Variants in XPR1 observed in about 807,000 individuals in gnomAD.
XPR1 encodes xenotropic and polytropic retrovirus receptor 1, also known as solute carrier family 53 member 1.
In XPR1, 28 loss-of-function variants were observed where a neutral mutation model predicts 87.5. The observed-to-expected ratio is 0.32, with a 90% CI of 0.24 to 0.44. XPR1 has a LOEUF of 0.44. Ranked by LOEUF, XPR1 falls within the 20% of genes least tolerant of loss-of-function variation. The probability of loss-of-function intolerance (pLI) is 1.00; values close to 1 mark genes in which losing one functional copy is unlikely to be tolerated. For synonymous variants in XPR1, 300 were observed against 306.1 expected (o/e 0.98, Z 0.21); for missense variants, 559 against 862.3 (o/e 0.65, Z 4.41).
intron 7 of XPR1, among the ~76,000 whole-genome samples, chr1:180,816,707 C>T (rs769061493): frequency 1.1e-4 from 16 of 152,074 alleles, no homozygotes; most frequent in Non-Finnish European, 1.9e-4. Flanking sequence ...ATGCTTGTGG[C>T]AGTGTTGGTA....
chr1:180,770,758 A>G (rs1448309953), intron 2 of XPR1, among the ~76,000 whole-genome samples: 1 of 152,168 alleles, frequency 6.6e-6, no homozygotes, highest in African/African-American at 2.4e-5. Context: ...AAAGTGTTAC[A>G]TGGCCCCTTC....
At chr1:180,637,232 G>T (rs1376441715) in intron 1 of XPR1, among the ~76,000 whole-genome samples, 2 of 152,122 alleles carry the variant, frequency 1.3e-5, no homozygotes, top group African/African-American at 4.8e-5. Flanking sequence ...GATTGCCAGT[G>T]GCTTTTTCAC....
chr1:180,706,200 T>C (rs185303982), intron 2 of XPR1, among the ~76,000 whole-genome samples: 31 of 152,332 alleles, frequency 2.0e-4, no homozygotes, highest in Admixed American at 8.5e-4. Context: ...AGTTACTAGT[T>C]TAATGCAGAC....
chr1:180,659,064 T>C (rs1050485882), intron 1 of XPR1, among the ~76,000 whole-genome samples: 2 of 152,030 alleles, frequency 1.3e-5, no homozygotes, highest in Non-Finnish European at 2.9e-5. Context: ...TATTGGCCTG[T>C]AGCCAGTCTT....
At chr1:180,836,485 T>C (rs371062922) in intron 10 of XPR1, 37 bp from the exon 11 acceptor site, 7 of 1,611,802 alleles carry the variant, frequency 4.3e-6, no homozygotes, top group African/African-American at 2.7e-5. Context: ...AGTTACTTTT[T>C]TTCAATGGTA....
chr1:180,836,189 T>C (rs1651283959), intron 10 of XPR1, among the ~76,000 whole-genome samples: 2 of 152,146 alleles, frequency 1.3e-5, no homozygotes. Context: ...TGAAACCCCA[T>C]GTCTACTAAA....
chr1:180,684,539 C>T (rs1409646956), intron 2 of XPR1, among the ~76,000 whole-genome samples: 1 of 152,098 alleles, frequency 6.6e-6, no homozygotes, highest in East Asian at 1.9e-4. Flanking sequence ...GCATTGGTAG[C>T]TTGATGGGGA....
At chr1:180,789,347 A>G (rs1400277041) in intron 3 of XPR1, among the ~76,000 whole-genome samples, 1 of 152,106 alleles carries the variant, frequency 6.6e-6, no homozygotes, top group African/African-American at 2.4e-5. Flanking sequence ...TTTCAGTTAC[A>G]CTGTACTTTA....
intron 2 of XPR1, among the ~76,000 whole-genome samples, chr1:180,746,855 G>A (rs1251429742): frequency 6.6e-6 from 1 of 152,002 alleles, no homozygotes; most frequent in Non-Finnish European, 1.5e-5. Context: ...ATCTTTTTTG[G>A]GGGTTGGGGA....
At chr1:180,656,244 TC>T (rs1655462101) in intron 1 of XPR1, among the ~76,000 whole-genome samples, 1 of 143,630 alleles carries the variant, frequency 7.0e-6, no homozygotes, top group African/African-American at 2.6e-5. Context: ...CATAATGACT[TC>T]CAGTTCCATC....
In XPR1 at chr1:180,803,462, G is replaced by A; in HGVS notation, c.298G>A (p.Glu100Lys). ...TCAGTCATCACTGGATGCACAGAAA[G>A]AAAGCACTGGTGTTACTACGCTGCG... is the stretch of plus-strand genomic sequence containing the variant. Reference protein sequence around the residue: ...ELQSSLDAQKESTGVTTLRQR... With the variant: ...ELQSSLDAQKKSTGVTTLRQR... Residue 100 changes from glutamate to lysine, a missense_variant, in exon 4 of 15, where the codon GAA (glutamate) becomes AAA (lysine). Glu to Lys is a moderately conservative substitution (Grantham distance 56). This residue lies in a region of XPR1 where 159 missense variants were observed against 263.3 expected (regional missense o/e 0.60). Coordinates refer to ENST00000367590, the MANE Select transcript of XPR1 (RefSeq NM_004736.4). The A allele has an allele frequency of 6.2e-7, 1 of 1,614,104 alleles. No individual in the cohort carries two copies. Among genetic ancestry groups the A allele is most frequent in the Non-Finnish European group, 8.5e-7 (1 of 1,180,002 alleles).
chr1:180,810,151 A>G (rs1361497738), intron 6 of XPR1, among the ~76,000 whole-genome samples: 2 of 152,308 alleles, frequency 1.3e-5, no homozygotes, highest in Middle Eastern at 6.8e-3. Context: ...TTTAGAAAGC[A>G]GAAGTTTCAA....
At chr1:180,835,125 A>G in intron 10 of XPR1, 80 bp downstream of exon 10, 3 of 1,457,712 alleles carry the variant, frequency 2.1e-6, no homozygotes, top group Non-Finnish European at 2.8e-6. Flanking sequence ...TGAGAAAGTT[A>G]AGGTCATGAT....
chr1:180,787,005 C>A (rs954047039), intron 2 of XPR1, among the ~76,000 whole-genome samples: 1 of 152,130 alleles, frequency 6.6e-6, no homozygotes, highest in African/African-American at 2.4e-5. Context: ...AAAATCAACT[C>A]GTTTTTCCCA....
At chr1:180,798,684 G>T (rs185870968) in intron 3 of XPR1, among the ~76,000 whole-genome samples, 2 of 152,192 alleles carry the variant, frequency 1.3e-5, no homozygotes, top group Admixed American at 1.3e-4. Flanking sequence ...CACAATCTCG[G>T]CTCACTGCAA....
intron 1 of XPR1, among the ~76,000 whole-genome samples, chr1:180,658,466 A>G (rs540317345): frequency 2.0e-5 from 3 of 152,306 alleles, no homozygotes; most frequent in Admixed American, 6.5e-5. Context: ...TGCTTCTTCT[A>G]TACCGAGTTT....
intron 7 of XPR1, among the ~76,000 whole-genome samples, chr1:180,822,735 A>T (rs924792379): frequency 6.6e-6 from 1 of 152,202 alleles, no homozygotes; most frequent in Non-Finnish European, 1.5e-5. Context: ...TAATAAACTT[A>T]TGAGAATAGA....
intron 13 of XPR1, among the ~76,000 whole-genome samples, chr1:180,876,621 G>A (rs1447478025): frequency 6.6e-6 from 1 of 151,022 alleles, no homozygotes; most frequent in Non-Finnish European, 1.5e-5. Context: ...GGGCAACAGA[G>A]GGAGACCCTG....
intron 2 of XPR1, among the ~76,000 whole-genome samples, chr1:180,736,487 C>T (rs1394335431): frequency 6.6e-6 from 1 of 152,114 alleles, no homozygotes; most frequent in Admixed American, 6.5e-5. Flanking sequence ...ATGATTTGCT[C>T]AGCATTCCGT....
Sources: gnomAD v4.1 joint callset for allele counts (sites outside exome capture counted in the v4.1 genomes callset) on GRCh38, gnomAD v4.1.1 for gene constraint, gnomAD v4.1.1 regional missense constraint, MANE v1.5 for transcripts, NCBI Gene and HGNC (gene_info 2026-07-23, HGNC 2026-07-21) for gene names.